The following CHTF18 variants were observed in gnomAD, a reference collection of about 807,000 sequenced individuals.
CHTF18 encodes the protein chromosome transmission fidelity factor 18.
In CHTF18, 151 loss-of-function variants were observed where a neutral mutation model predicts 113.4. That is an observed-to-expected ratio of 1.33 (90% CI 1.17 to 1.52). The LOEUF (loss-of-function observed/expected upper bound fraction) is 1.52. Among genes scored for constraint, CHTF18 ranks in the 40% most tolerant of loss-of-function variants. The pLI is 0.00. For synonymous variants in CHTF18, 916 were observed against 598.8 expected (o/e 1.53, Z -7.74); for missense variants, 1,982 against 1,381.6 (o/e 1.43, Z -6.89).
At chr16:793,445 G>A (rs2277894) in intron 14 of CHTF18, among the ~76,000 whole-genome samples, 171 bp downstream of exon 14, 22,199 of 151,970 alleles carry the variant, frequency 0.15, 1,889 homozygotes, top group East Asian at 0.24. Flanking sequence ...GCTTGTTCTC[G>A]CCCCTACAGC....
chr16:796,105 T>C lies in CHTF18; in HGVS notation c.2456+28T>C, dbSNP rs568370011. 105 of 1,587,346 alleles carry C rather than the reference T, an allele frequency of 6.6e-5. 2 individuals are homozygous for C. In the South Asian group the frequency reaches 1.2e-3, roughly 18 times the overall value. ...GAGTCCCCCAGTGCCTGGGGTGTGC[T>C]CCAGGGTCATGCTCCCCGGCTGTGC... On this transcript the variant is annotated intron_variant, in intron 18 of 21. Coordinates refer to ENST00000262315, the MANE Select transcript of CHTF18 (RefSeq NM_022092.3).
chr16:789,967 C>A (rs116943840), intron 4 of CHTF18: 2 of 1,534,538 alleles, frequency 1.3e-6, no homozygotes, highest in Non-Finnish European at 1.7e-6. Context: ...TTTGCCCTTT[C>A]CTCCTTTCTC....
Position 792,450 on chromosome 16 carries a change from C to T in CHTF18, c.1338C>T (p.Asn446=), listed in dbSNP as rs2277897. The change falls in exon 11 of 22, where the codon AAC becomes AAT. Residue 446 remains asparagine, a synonymous_variant. Transcript: ENST00000262315. ...TGACCTCCCCCAAGGCCGCCATCAA[C>T]GTCCTCCTGAGCATCCTGAACCGCA... The part of the protein sequence containing the change: ...EIDGAPVAAI[N]VLLSILNRKG... 0.16 allele frequency: 254,238 copies of T among 1,566,024 alleles called. 21,541 individuals are homozygous for T. Among genetic ancestry groups the T allele is most frequent in the East Asian group, 0.26 (10,840 of 42,186 alleles).
In CHTF18 at chr16:794,301, T is replaced by C. The variant is rs868531900; in HGVS notation, c.1950+100T>C. On this transcript the variant is annotated intron_variant, in intron 15 of 21. Transcript: ENST00000262315. ...TCCTCCCGTATGGACGGGGAGGCGC[T>C]TTGGGGGTGCTGAGAGAGGCAGGTT... 200 of 1,391,620 alleles carry C rather than the reference T, an allele frequency of 1.4e-4. No individual in the cohort carries two copies. In the Middle Eastern group the frequency reaches 3.0e-3, roughly 21 times the overall value. 86.2% of individuals were successfully genotyped at this position (1,391,620 alleles called of 1,614,324 possible). A position where few individuals can be genotyped will look rare whatever the true frequency, so the allele number is the denominator to read the frequency against.
intron 9 of CHTF18, 74 bp from the exon 10 acceptor site, chr16:792,150 G>T (rs1054189189): frequency 6.6e-7 from 1 of 1,526,134 alleles, no homozygotes; most frequent in South Asian, 1.2e-5. Flanking sequence ...CGCAAATGCG[G>T]CAGCCCCGGC....
At chr16:795,449 C>A in intron 16 of CHTF18, 93 bp downstream of exon 16, 1 of 505,362 alleles carries the variant, frequency 2.0e-6, no homozygotes, top group Non-Finnish European at 3.2e-6. Context: ...GCCCGCCCCC[C>A]CAAACACACT....
At position 792,436 on chromosome 16, in the gene CHTF18, A is replaced by G. The variant is rs745711374; in HGVS notation, c.1327-3A>G. ...CTCACCGTGTCCTCTGACCTCCCCC[A>G]AGGCCGCCATCAACGTCCTCCTGAG... On this transcript the variant is annotated splice_region_variant and splice_polypyrimidine_tract_variant and intron_variant, in intron 10 of 21. Transcript: ENST00000262315. 6.7e-5 allele frequency: 105 copies of G among 1,560,812 alleles called. 1 individual carries two copies. Among genetic ancestry groups the G allele is most frequent in the Non-Finnish European group, 8.8e-5 (101 of 1,152,960 alleles).
intron 18 of CHTF18, chr16:796,486 C>A (rs996765614): frequency 8.5e-6 from 5 of 591,626 alleles, no homozygotes; most frequent in Admixed American, 3.4e-5. Flanking sequence ...TCCGTGGCAG[C>A]CATCGGCAGG....
In CHTF18 at chr16:796,759, C is replaced by T. The variant is rs749371005; in HGVS notation, c.2499C>T (p.Arg833=). The T allele has an allele frequency of 1.2e-6, 2 of 1,607,790 alleles. No individual in the cohort carries two copies. Among genetic ancestry groups the T allele is most frequent in the Non-Finnish European group, 1.7e-6 (2 of 1,179,562 alleles). The change falls in exon 19 of 22, where the codon CGC becomes CGT. Residue 833 remains arginine, a synonymous_variant. Transcript: ENST00000262315. ...ELCRFPELPA[R]KPLTYQTKQL... is the part of the protein sequence containing the mutation. ...GCCGCTTCCCTGAGCTGCCTGCCCG[C>T]AAGCCCCTCACCTACCAGACGAAGC...
chr16:789,932 G>C (rs975950717), intron 4 of CHTF18: 23 of 1,495,524 alleles, frequency 1.5e-5, no homozygotes, highest in Non-Finnish European at 2.1e-5. Flanking sequence ...CGGGTGGAGA[G>C]GGCCTCCTTG....
At chr16:790,428 G>T (rs375307452) in intron 6 of CHTF18, 29 bp downstream of exon 6, 221 of 1,611,854 alleles carry the variant, frequency 1.4e-4, no homozygotes, top group Non-Finnish European at 1.8e-4. Flanking sequence ...CCGCCCTGGG[G>T]ACCCTTGTTG....
rs370867046 is a variant in CHTF18, at chr16:790,568, C to T, written c.796C>T (p.Pro266Ser). The change falls in exon 7 of 22, where the codon CCT becomes TCT. Residue 266 changes from proline (P) to serine (S), a missense_variant. Transcript: ENST00000262315. ...EEEAAQPLGA[P>S]EEEPTDGQDA... ...GGAGGCAGCCCAGCCCTTGGGGGCC[C>T]CTGAGGAGGAGCCGACTGACGGTCA... is the stretch of plus-strand genomic sequence containing the variant. The T allele has an allele frequency of 2.3e-5, 36 of 1,597,348 alleles. No homozygotes were observed. Among genetic ancestry groups the T allele is most frequent in the South Asian group, 6.8e-5 (6 of 88,508 alleles).
In CHTF18 at chr16:795,638, G is replaced by A. The variant is rs140777025; in HGVS notation, c.2176-47G>A. On this transcript the variant is annotated intron_variant, in intron 16 of 21. Transcript: ENST00000262315. The stretch of plus-strand genomic sequence containing the variant: ...TGGCCCCACCCACCATTCCCCCCTC[G>A]CCCGGGAGGCCCAGGTGACCAGGCC... 3,394 of 1,114,036 alleles carry A rather than the reference G, an allele frequency of 3.0e-3. 86 individuals carry two copies. In the East Asian group the frequency reaches 0.036, roughly 12 times the overall value. 69.0% of individuals were successfully genotyped at this position (1,114,036 alleles called of 1,614,324 possible).
At position 789,446 on chromosome 16, in the gene CHTF18, G is replaced by T. The variant is rs550648997; in HGVS notation, c.437+86G>T. The T allele has an allele frequency of 6.3e-5, 96 of 1,535,980 alleles. No individual in the cohort carries two copies. In the South Asian group the frequency reaches 1.1e-3, roughly 17 times the overall value. ...ATCCCGTGCCCTGGATGAGGCCTGG[G>T]GGGTGGGGAGGGTTCCATGGCTGAG... On this transcript the variant is annotated intron_variant, in intron 3 of 21. Transcript: ENST00000262315.
chr16:793,969 G>C, intron 14 of CHTF18, 85 bp from the exon 15 acceptor site: 22 of 1,468,962 alleles, frequency 1.5e-5, no homozygotes, highest in Non-Finnish European at 2.0e-5. Context: ...CAGCTCTGAT[G>C]GGGCCTCTGA....
Position 789,021 on chromosome 16 carries a change from C to T in CHTF18, c.182C>T (p.Ala61Val), listed in dbSNP as rs1459287707. 3 of 1,537,236 alleles carry T rather than the reference C, an allele frequency of 2.0e-6. No homozygotes were observed. Among genetic ancestry groups the T allele is most frequent in the Non-Finnish European group, 2.6e-6 (3 of 1,143,666 alleles). The change falls in exon 2 of 22, where the codon GCG (alanine) becomes GTG (valine). Residue 61 changes from alanine (A) to valine (V), a missense_variant. Physicochemically the swap from Ala to Val is moderately conservative, Grantham distance 64. Transcript: ENST00000262315. Reference sequence around the variant, plus strand: ...GAGGAGGCCCTTGCCAGAGGGGACGCGGCCTCCAGTCCCGCCCCAGCCGCA... The same window carrying T: ...GAGGAGGCCCTTGCCAGAGGGGACGTGGCCTCCAGTCCCGCCCCAGCCGCA... ...TFEEALARGD[A>V]ASSPAPAASV...
rs375985365 is a variant in CHTF18, at chr16:796,989, G to T, written c.2630G>T (p.Gly877Val). ...QVDGSPPGLEGLLGGIGEKGV... is the reference protein window; with the variant it reads ...QVDGSPPGLEVLLGGIGEKGV... ...GATGGGAGCCCCCCAGGGCTCGAGG[G>T]TCTGCTGGGGGGCATTGGGGAGAAA... The change falls in exon 20 of 22, where the codon GGT (glycine) becomes GTT (valine). Residue 877 changes from glycine (G) to valine (V), a missense_variant. Gly to Val is a moderately radical substitution (Grantham distance 109). Transcript: ENST00000262315. 5 of 1,537,928 alleles carry T rather than the reference G, an allele frequency of 3.3e-6. No homozygotes were observed. The highest frequency in any genetic ancestry group is 1.8e-4 in the Middle Eastern group (1 of 5,706).
In CHTF18 at chr16:797,001, G is replaced by A. The variant is rs761029244; in HGVS notation, c.2642G>A (p.Gly881Asp). The change falls in exon 20 of 22, where the codon GGC (glycine) becomes GAC (aspartate). Residue 881 changes from glycine (G) to aspartate (D), a missense_variant. Coordinates refer to ENST00000262315, the MANE Select transcript of CHTF18 (RefSeq NM_022092.3). ...CCAGGGCTCGAGGGTCTGCTGGGGGGCATTGGGGAGAAAGGGGTGCACCGA... is the reference window on the plus strand; with the variant it reads ...CCAGGGCTCGAGGGTCTGCTGGGGGACATTGGGGAGAAAGGGGTGCACCGA... ...SPPGLEGLLG[G>D]IGEKGVHRPA... The A allele has an allele frequency of 1.3e-6, 2 of 1,548,604 alleles. No homozygotes were observed. Among genetic ancestry groups the A allele is most frequent in the East Asian group, 2.3e-5 (1 of 43,794 alleles).
rs773789661 is a variant in CHTF18 at position 795,365 on chromosome 16, G to A, written c.2175+9G>A. ...CCAGCAGCCAGCAGGAGGTGTGCTC[G>A]TCCCTGCACCACGCCTGCCCCCGGC... On this transcript the variant is annotated intron_variant, in intron 16 of 21. Coordinates refer to ENST00000262315, the MANE Select transcript of CHTF18 (RefSeq NM_022092.3). The A allele has an allele frequency of 9.7e-6, 15 of 1,543,328 alleles. 1 individual carries two copies. The South Asian group carries it at 1.1e-4, about 11-fold the overall frequency.
Sources: allele counts gnomAD v4.1 joint callset (sites outside exome capture counted in the v4.1 genomes callset), GRCh38; gene constraint gnomAD v4.1.1; transcripts MANE v1.5; gene names NCBI Gene and HGNC (gene_info 2026-07-23, HGNC 2026-07-21).